The following AGBL4 variants were observed in gnomAD, a reference collection of about 807,000 sequenced individuals.
The protein encoded by AGBL4 is cytosolic carboxypeptidase 6.
In AGBL4, 58 loss-of-function variants were observed where a neutral mutation model predicts 66.4. The observed-to-expected ratio is 0.87, with a 90% CI of 0.71 to 1.09. The LOEUF is 1.09. Ranked by LOEUF, AGBL4 falls within the 50% of genes least tolerant of loss-of-function variation. The probability of loss-of-function intolerance (pLI) is 0.00; values close to 1 mark genes in which losing one functional copy is unlikely to be tolerated. For missense variants in AGBL4, 579 were observed against 631.0 expected (o/e 0.92, Z 0.88); for synonymous variants, 234 against 222.9 (o/e 1.05, Z -0.44).
chr1:48,818,371 G>C lies in AGBL4; in HGVS notation c.634+48820C>G. 3 of 674,234 alleles carry C rather than the reference G, an allele frequency of 4.4e-6. No homozygotes were observed. The South Asian group carries it at 5.2e-5, about 12-fold the overall frequency. The allele number at this position is 674,234 out of a possible 1,614,324, so 41.8% of individuals were successfully genotyped here. On this transcript the variant is annotated intron_variant, in intron 6 of 13. Coordinates refer to ENST00000371839, the MANE Select transcript of AGBL4 (RefSeq NM_032785.4). ...AGCCATACATGAAACATTGCACTAA[G>C]TGACTCTTAGGGCACTGATGTCAGT...
chr1:49,316,233 C>T (rs993719040), intron 3 of AGBL4, among the ~76,000 whole-genome samples: 22 of 151,886 alleles, frequency 1.4e-4, no homozygotes, highest in African/African-American at 4.6e-4. Flanking sequence ...AAATGTACAA[C>T]GCAGAGTGAA....
chr1:48,987,610 A>G (rs1447042285), intron 5 of AGBL4, among the ~76,000 whole-genome samples: 1 of 152,122 alleles, frequency 6.6e-6, no homozygotes, highest in Non-Finnish European at 1.5e-5. Flanking sequence ...TAGATAGAAA[A>G]TCAGAAAGGA....
At chr1:49,449,965 A>T (rs1646241459) in intron 3 of AGBL4, among the ~76,000 whole-genome samples, 2 of 152,000 alleles carry the variant, frequency 1.3e-5, no homozygotes, top group Admixed American at 1.3e-4. Flanking sequence ...GGGAATGTTG[A>T]CTATAGGCAA....
chr1:48,528,435 G>T (rs1393351467), downstream of AGBL4, among the ~76,000 whole-genome samples: 1 of 152,112 alleles, frequency 6.6e-6, no homozygotes, highest in African/African-American at 2.4e-5. Flanking sequence ...CAGGTCTTTA[G>T]GGGAACAAGT....
chr1:49,354,221 A>C (rs957564763), intron 3 of AGBL4, among the ~76,000 whole-genome samples: 1 of 152,242 alleles, frequency 6.6e-6, no homozygotes, highest in Non-Finnish European at 1.5e-5. Context: ...TTGAGCAAGC[A>C]GTGTCTGAAT....
At chr1:49,231,006 G>T (rs1397011763) in intron 4 of AGBL4, among the ~76,000 whole-genome samples, 2 of 152,108 alleles carry the variant, frequency 1.3e-5, no homozygotes, top group Non-Finnish European at 1.5e-5. Flanking sequence ...AAACAGGTCT[G>T]GTAATAAAAG....
intron 6 of AGBL4, among the ~76,000 whole-genome samples, chr1:48,820,681 C>T (rs965516734): frequency 1.3e-5 from 2 of 152,140 alleles, no homozygotes; most frequent in Non-Finnish European, 2.9e-5. Flanking sequence ...AGCCTGTCAA[C>T]CTTTGGACTG....
intron 1 of AGBL4, among the ~76,000 whole-genome samples, chr1:49,965,927 T>C (rs1369068904): frequency 1.3e-5 from 2 of 151,838 alleles, no homozygotes; most frequent in Non-Finnish European, 2.9e-5. Context: ...GCCCCATTAG[T>C]CTATTACAAT....
intron 4 of AGBL4, among the ~76,000 whole-genome samples, chr1:49,132,129 A>C (rs1219552979): frequency 6.6e-6 from 1 of 152,110 alleles, no homozygotes; most frequent in African/African-American, 2.4e-5. Flanking sequence ...TACTGAGGAA[A>C]AAATAAACAG....
intron 3 of AGBL4, among the ~76,000 whole-genome samples, chr1:49,676,739 G>C (rs1558154251): frequency 1.3e-5 from 2 of 152,030 alleles, no homozygotes. Flanking sequence ...TTTATGACAT[G>C]TTCACATCAA....
rs1354085852 is a variant in AGBL4 at position 48,823,207 on chromosome 1, G to GT, written c.634+43983dup. Among the ~76,000 whole-genome samples, 3 of 152,326 alleles carry GT rather than the reference G, an allele frequency of 2.0e-5. No individual in the cohort carries two copies. The East Asian group carries it at 5.8e-4, about 29-fold the overall frequency. On this transcript the variant is annotated intron_variant, in intron 6 of 13. Transcript: ENST00000371839. ...AATAGTGTGTTTTACAGTAGGCACAGTCAGGAAGCAAACTCTAAGAAGCAA... is the reference window on the plus strand; with the variant it reads ...AATAGTGTGTTTTACAGTAGGCACAGTTCAGGAAGCAAACTCTAAGAAGCAA...
At chr1:50,016,524 T>C (rs2148445465) in intron 1 of AGBL4, among the ~76,000 whole-genome samples, 1 of 152,306 alleles carries the variant, frequency 6.6e-6, no homozygotes, top group Admixed American at 6.5e-5. Context: ...ATTGTGCCAC[T>C]GTACTCCATC....
intron 2 of AGBL4, among the ~76,000 whole-genome samples, chr1:49,847,412 G>C (rs369989651): frequency 8.5e-5 from 13 of 152,198 alleles, no homozygotes; most frequent in South Asian, 2.1e-4. Flanking sequence ...AGATCTATGG[G>C]ACTTAATTAA....
chr1:49,102,722 A>G (rs1352609594), intron 4 of AGBL4, among the ~76,000 whole-genome samples: 2 of 152,208 alleles, frequency 1.3e-5, no homozygotes, highest in Non-Finnish European at 2.9e-5. Context: ...AGATAGCAGT[A>G]TAATATCCAT....
At chr1:49,938,576 C>T (rs1654368294) in intron 1 of AGBL4, among the ~76,000 whole-genome samples, 1 of 152,166 alleles carries the variant, frequency 6.6e-6, no homozygotes, top group Non-Finnish European at 1.5e-5. Flanking sequence ...CCTTGATGAA[C>T]ATTGATGCAA....
At chr1:49,555,119 C>T (rs1558046542) in intron 3 of AGBL4, among the ~76,000 whole-genome samples, 1 of 152,204 alleles carries the variant, frequency 6.6e-6, no homozygotes, top group Non-Finnish European at 1.5e-5. Context: ...CACTCACATC[C>T]CGCTGATTGG....
At chr1:48,729,652 C>A (rs1255136586) in intron 6 of AGBL4, among the ~76,000 whole-genome samples, 2 of 152,104 alleles carry the variant, frequency 1.3e-5, no homozygotes, top group Non-Finnish European at 2.9e-5. Flanking sequence ...CCACTGCTAC[C>A]TGCCCATATG....
intron 3 of AGBL4, among the ~76,000 whole-genome samples, chr1:49,647,453 A>T (rs1234687760): frequency 6.6e-6 from 1 of 152,092 alleles, no homozygotes; most frequent in African/African-American, 2.4e-5. Context: ...TGAACTCTTA[A>T]TTGATGAATT....
intron 6 of AGBL4, among the ~76,000 whole-genome samples, chr1:48,692,349 G>A (rs1425723366): frequency 3.3e-5 from 5 of 152,180 alleles, no homozygotes; most frequent in East Asian, 3.9e-4. Context: ...GGGGCGGCAC[G>A]CTGGGGAGCT....
Sources: allele counts gnomAD v4.1 joint callset (sites outside exome capture counted in the v4.1 genomes callset), GRCh38; gene constraint gnomAD v4.1.1; transcripts MANE v1.5; gene names NCBI Gene and HGNC (gene_info 2026-07-23, HGNC 2026-07-21).